Variants in PDZD2 observed in about 807,000 individuals in gnomAD.
PDZD2 encodes the protein PDZ domain containing 2.
PDZD2 carries 90 observed loss-of-function variants against 220.7 expected under a neutral mutation model. The ratio of observed to expected loss-of-function variants is 0.41; its 90% CI spans 0.34 to 0.49. The LOEUF is 0.49. Among genes scored for constraint, PDZD2 ranks in the 20% least tolerant of loss-of-function variants. The pLI is 0.28. For synonymous variants in PDZD2, 1,375 were observed against 1,450.5 expected (o/e 0.95, Z 1.18); for missense variants, 3,174 against 3,608.5 (o/e 0.88, Z 3.08).
chr5:31,973,201 A>C (rs186449446), intron 2 of PDZD2, among the ~76,000 whole-genome samples: 1 of 152,314 alleles, frequency 6.6e-6, no homozygotes, highest in Admixed American at 6.5e-5. Context: ...CGTGATAGAA[A>C]GGCCATACTG....
chr5:31,817,732 C>T (rs572099775), intron 2 of PDZD2, among the ~76,000 whole-genome samples: 37 of 152,148 alleles, frequency 2.4e-4, no homozygotes, highest in East Asian at 1.7e-3. Flanking sequence ...GGTGCAATCT[C>T]GGCTCACTGC....
chr5:31,673,451 G>T (rs534953795), intron 1 of PDZD2, among the ~76,000 whole-genome samples: 55 of 152,268 alleles, frequency 3.6e-4, no homozygotes, highest in African/African-American at 1.3e-3. Flanking sequence ...ATGGCTCCTT[G>T]GTTTTCCCAT....
intron 1 of PDZD2, among the ~76,000 whole-genome samples, chr5:31,651,981 G>C (rs1420771239): frequency 7.3e-6 from 1 of 136,410 alleles, no homozygotes; most frequent in Non-Finnish European, 1.5e-5. Context: ...CACCATGCCC[G>C]GCTAATTTTT....
At chr5:31,654,114 A>G (rs1208655711) in intron 1 of PDZD2, among the ~76,000 whole-genome samples, 1 of 152,116 alleles carries the variant, frequency 6.6e-6, no homozygotes, top group East Asian at 1.9e-4. Context: ...AGTCCAGAAC[A>G]TGACCCCATA....
intron 2 of PDZD2, among the ~76,000 whole-genome samples, chr5:31,878,818 C>T (rs1051882128): frequency 6.6e-6 from 1 of 151,512 alleles, no homozygotes; most frequent in South Asian, 2.1e-4. Context: ...GCCTCGGCCT[C>T]CCAAAGTGCT....
At chr5:31,833,854 A>C (rs1238323251) in intron 2 of PDZD2, among the ~76,000 whole-genome samples, 3 of 152,158 alleles carry the variant, frequency 2.0e-5, no homozygotes, top group African/African-American at 7.2e-5. Flanking sequence ...CCTGGTGGGG[A>C]CTATGGCCAT....
At chr5:31,837,208 C>T (rs1227247842) in intron 2 of PDZD2, among the ~76,000 whole-genome samples, 2 of 152,112 alleles carry the variant, frequency 1.3e-5, no homozygotes, top group Admixed American at 6.6e-5. Flanking sequence ...TGCAGACTCT[C>T]CACACCTGTG....
intron 5 of PDZD2, among the ~76,000 whole-genome samples, chr5:32,003,959 A>G (rs1326246935): frequency 6.6e-6 from 1 of 151,796 alleles, no homozygotes; most frequent in Non-Finnish European, 1.5e-5. Flanking sequence ...TGATCCACCC[A>G]CCTTGGCCTC....
At chr5:31,768,571 G>A (rs1445322235) in intron 1 of PDZD2, among the ~76,000 whole-genome samples, 1 of 151,874 alleles carries the variant, frequency 6.6e-6, no homozygotes, top group Non-Finnish European at 1.5e-5. Context: ...GAACCCAGGA[G>A]GCGGAGGTTG....
In PDZD2 at chr5:32,097,274, A is replaced by G; in HGVS notation, c.7846-5A>G. On this transcript the variant is annotated splice_region_variant and splice_polypyrimidine_tract_variant and intron_variant, in intron 21 of 24. Coordinates refer to ENST00000438447, the MANE Select transcript of PDZD2 (RefSeq NM_178140.4). ...CAAAGGATAATTTTTGTTTGTTTTC[A>G]CTAGAATGAAGAAGATGTTTGCTTC... 2 of 1,586,568 alleles carry G rather than the reference A, an allele frequency of 1.3e-6. No individual in the cohort carries two copies. Among genetic ancestry groups the G allele is most frequent in the Non-Finnish European group, 1.7e-6 (2 of 1,154,942 alleles).
At chr5:31,895,616 G>A (rs1254829911) in intron 2 of PDZD2, among the ~76,000 whole-genome samples, 1 of 152,164 alleles carries the variant, frequency 6.6e-6, no homozygotes. Context: ...TCAGAAAGAG[G>A]ATCTTCTCAT....
intron 1 of PDZD2, among the ~76,000 whole-genome samples, chr5:31,649,937 CAAAAAAA>C (rs6148975): frequency 1.4e-5 from 1 of 73,516 alleles, no homozygotes; most frequent in Admixed American, 1.7e-4. Context: ...GACTCCGTCT[CAAAAAAA>C]AAAAAAAAAA....
chr5:31,777,046 C>G (rs1372183982), intron 1 of PDZD2, among the ~76,000 whole-genome samples: 5 of 152,200 alleles, frequency 3.3e-5, no homozygotes, highest in Non-Finnish European at 7.3e-5. Context: ...GTGGGAGCCC[C>G]TCTCTGGGCT....
chr5:31,933,933 G>A (rs1745509489), intron 2 of PDZD2, among the ~76,000 whole-genome samples: 1 of 152,212 alleles, frequency 6.6e-6, no homozygotes, highest in Non-Finnish European at 1.5e-5. Context: ...GGTGGCTTGT[G>A]TACTTGCTGA....
chr5:31,644,345 T>C (rs1745055590), intron 1 of PDZD2, among the ~76,000 whole-genome samples: 1 of 152,196 alleles, frequency 6.6e-6, no homozygotes, highest in African/African-American at 2.4e-5. Flanking sequence ...ACATTTCCCA[T>C]GGGTTCTAGC....
At chr5:32,019,555 A>G (rs867972240) in intron 6 of PDZD2, among the ~76,000 whole-genome samples, 6 of 152,224 alleles carry the variant, frequency 3.9e-5, no homozygotes, top group South Asian at 2.1e-4. Context: ...TGGAAGGAAA[A>G]TAGTAGAATG....
chr5:31,642,775 G>A (rs926010544), intron 1 of PDZD2, among the ~76,000 whole-genome samples: 1 of 152,198 alleles, frequency 6.6e-6, no homozygotes, highest in Non-Finnish European at 1.5e-5. Flanking sequence ...AGCAGAGGTT[G>A]GTGAGGCCCT....
intron 2 of PDZD2, among the ~76,000 whole-genome samples, chr5:31,914,059 G>T (rs1372319325): frequency 2.0e-5 from 3 of 152,180 alleles, no homozygotes; most frequent in African/African-American, 7.2e-5. Context: ...CCCAACTACA[G>T]TGTGCCCCAA....
chr5:31,788,480 A>G (rs1334531416), intron 1 of PDZD2, among the ~76,000 whole-genome samples: 2 of 152,280 alleles, frequency 1.3e-5, no homozygotes, highest in East Asian at 3.9e-4. Flanking sequence ...CCTGGCTAAC[A>G]TGGTGAAACC....
Sources: gnomAD v4.1 joint callset for allele counts (sites outside exome capture counted in the v4.1 genomes callset) on GRCh38, gnomAD v4.1.1 for gene constraint, MANE v1.5 for transcripts, NCBI Gene and HGNC (gene_info 2026-07-23, HGNC 2026-07-21) for gene names.